The following CCDC141 variants were observed in gnomAD, a reference collection of about 807,000 sequenced individuals.
CCDC141 encodes the protein coiled-coil domain-containing protein 141.
Under a neutral mutation model 181.0 loss-of-function variants are expected in CCDC141, and 168 were observed. That is an observed-to-expected ratio of 0.93 (90% confidence interval 0.82 to 1.05). The LOEUF is 1.05. Ranked by LOEUF, CCDC141 falls within the 50% of genes least tolerant of loss-of-function variation. The pLI is 0.00. For missense variants in CCDC141, 1,902 were observed against 1,788.5 expected (o/e 1.06, Z -1.14); for synonymous variants, 666 against 642.3 (o/e 1.04, Z -0.56).
chr2:178,897,987 A>G lies in CCDC141; in HGVS notation c.1265+7342T>C, dbSNP rs1687492746. On this transcript the variant is annotated intron_variant, in intron 8 of 23. Coordinates refer to ENST00000443758, the MANE Select transcript of CCDC141 (RefSeq NM_173648.4). ...GATGATGCTTAGGGAGAGATGAGGA[A>G]GGCTGGAAGCCAGGGGCTTTCAACC... Among the ~76,000 whole-genome samples the G allele has an allele frequency of 3.3e-5, 5 of 152,144 alleles. No individual in the cohort carries two copies. The South Asian group carries it at 1.0e-3, about 31-fold the overall frequency.
At chr2:178,894,346 C>T (rs1687308348) in intron 8 of CCDC141, among the ~76,000 whole-genome samples, 1 of 152,032 alleles carries the variant, frequency 6.6e-6, no homozygotes, top group Non-Finnish European at 1.5e-5. Context: ...GAAAAAAACC[C>T]TCCCACTCCA....
downstream of CCDC141, among the ~76,000 whole-genome samples, chr2:178,828,733 T>C (rs767185439): frequency 1.3e-5 from 2 of 152,230 alleles, no homozygotes; most frequent in Non-Finnish European, 2.9e-5. Flanking sequence ...GTGTGCATAA[T>C]ACTTATTACA....
chr2:178,875,109 G>A (rs1022875956), intron 12 of CCDC141: 1 of 152,186 alleles, frequency 6.6e-6, no homozygotes, highest in Non-Finnish European at 1.5e-5. Flanking sequence ...ACCAATGCCT[G>A]CCTGGAGAAA....
chr2:178,903,745 TTAAAG>T (rs1201793557), intron 8 of CCDC141, among the ~76,000 whole-genome samples: 2 of 150,804 alleles, frequency 1.3e-5, no homozygotes, highest in East Asian at 3.9e-4. Flanking sequence ...ACCCTAAAAC[TTAAAG>T]TATAGTAATA....
At chr2:178,878,239 C>T in intron 11 of CCDC141, 96 bp from the exon 12 acceptor site, 3 of 508,430 alleles carry the variant, frequency 5.9e-6, no homozygotes, top group Non-Finnish European at 9.6e-6. Flanking sequence ...AAACCTAAAA[C>T]TACATTTTCT....
chr2:178,956,477 GT>G (rs1437061494), intron 5 of CCDC141, among the ~76,000 whole-genome samples: 2 of 151,850 alleles, frequency 1.3e-5, no homozygotes, highest in African/African-American at 4.8e-5. Context: ...GTGCATGTGT[GT>G]TTTTTGTAGA....
At chr2:178,913,818 G>A (rs1275372505) in intron 7 of CCDC141, among the ~76,000 whole-genome samples, 1 of 152,108 alleles carries the variant, frequency 6.6e-6, no homozygotes, top group Non-Finnish European at 1.5e-5. Flanking sequence ...AAATGGATTT[G>A]GCCTCAGTTT....
In CCDC141 at chr2:178,933,819, T is replaced by C. The variant is rs532041217; in HGVS notation, c.897+10716A>G. Among the ~76,000 whole-genome samples, 86 of 151,996 alleles carry C rather than the reference T, an allele frequency of 5.7e-4. 1 individual carries two copies. The South Asian group carries it at 0.017, about 31-fold the overall frequency. ...AGTGAAGCAAGGGTAAGAGGAGGGG[T>C]AGGTCATGAGGAATAGTGGCAAACT... is the stretch of plus-strand genomic sequence containing the variant. On this transcript the variant is annotated intron_variant, in intron 6 of 23. Transcript: ENST00000443758.
At chr2:179,010,881 G>A (rs1380710689) in intron 2 of CCDC141, among the ~76,000 whole-genome samples, 1 of 152,130 alleles carries the variant, frequency 6.6e-6, no homozygotes, top group African/African-American at 2.4e-5. Context: ...AGAACCGGCT[G>A]GGCATGGTGG....
At position 178,930,774 on chromosome 2, in the gene CCDC141, C is replaced by A. The variant is rs547443283; in HGVS notation, c.898-11867G>T. On this transcript the variant is annotated intron_variant, in intron 6 of 23. Coordinates refer to ENST00000443758, the MANE Select transcript of CCDC141 (RefSeq NM_173648.4). ...CCACATGCAAACTAATGAAGTTAGA[C>A]CCTTACCTCACACCATACACAAAAT... Among the ~76,000 whole-genome samples the A allele has an allele frequency of 3.3e-5, 5 of 152,110 alleles. No individual in the cohort carries two copies. The South Asian group carries it at 1.0e-3, about 32-fold the overall frequency.
chr2:178,830,679 T>C lies in CCDC141; in HGVS notation c.*3494A>G, dbSNP rs1228295213. 2 of 152,264 alleles carry C rather than the reference T, an allele frequency of 1.3e-5. No individual in the cohort carries two copies. The highest frequency in any genetic ancestry group is 2.4e-5 in the African/African-American group (1 of 41,414). The allele number at this position is 152,264 out of a possible 1,614,324, so 9.4% of individuals were successfully genotyped here. A position where few individuals can be genotyped will look rare whatever the true frequency, so the allele number is the denominator to read the frequency against. The stretch of plus-strand genomic sequence containing the variant: ...GATGCTCAAACCTGCGATTCCTTTG[T>C]GTATATTCAGGGGCGTGGCTGGGCA... On this transcript the variant is annotated 3_prime_UTR_variant, in exon 24 of 24. Transcript: ENST00000443758.
chr2:178,937,332 A>C (rs1374604221), intron 6 of CCDC141, among the ~76,000 whole-genome samples: 1 of 152,076 alleles, frequency 6.6e-6, no homozygotes, highest in Non-Finnish European at 1.5e-5. Context: ...AGCCTCTTCC[A>C]CATCTATTGA....
chr2:179,035,316 T>C (rs1430712583), intron 2 of CCDC141, among the ~76,000 whole-genome samples: 2 of 152,308 alleles, frequency 1.3e-5, no homozygotes, highest in Middle Eastern at 3.4e-3. Context: ...GTTCCACTTA[T>C]CCACTGTCTT....
downstream of CCDC141, among the ~76,000 whole-genome samples, chr2:178,828,155 T>C (rs1337532670): frequency 6.6e-6 from 1 of 152,076 alleles, no homozygotes; most frequent in Non-Finnish European, 1.5e-5. Context: ...GTCCTCTTAC[T>C]GGGTAACAAA....
chr2:178,860,754 C>A lies in CCDC141; in HGVS notation c.2725-4357G>T, dbSNP rs139679394. On this transcript the variant is annotated intron_variant, in intron 17 of 23. Coordinates refer to ENST00000443758, the MANE Select transcript of CCDC141 (RefSeq NM_173648.4). ...CTCCCTTGTCTTCTTGTGCTTGAGG[C>A]CAGCCGCTAGCGGCTGAAAGTGGGA... Among the ~76,000 whole-genome samples the A allele has an allele frequency of 2.8e-3, 430 of 151,712 alleles. 3 individuals carry two copies. The highest frequency in any genetic ancestry group is 9.5e-3 in the African/African-American group (393 of 41,404).
At chr2:179,011,340 C>G (rs1331963481) in intron 2 of CCDC141, among the ~76,000 whole-genome samples, 2 of 152,122 alleles carry the variant, frequency 1.3e-5, no homozygotes, top group African/African-American at 4.8e-5. Context: ...TCAGACAAAA[C>G]AAACTTTAAA....
intron 2 of CCDC141, among the ~76,000 whole-genome samples, chr2:179,044,159 A>T (rs1256615293): frequency 1.3e-5 from 2 of 152,232 alleles, no homozygotes; most frequent in Non-Finnish European, 2.9e-5. Flanking sequence ...ATCAGAGATG[A>T]CACAAACAAA....
At chr2:178,888,773 T>A in intron 8 of CCDC141, 105 bp from the exon 9 acceptor site, 1 of 1,255,626 alleles carries the variant, frequency 8.0e-7, no homozygotes, top group Non-Finnish European at 1.1e-6. Context: ...GTAAAAGGCA[T>A]CAGCTTTAGG....
At chr2:178,925,516 A>G (rs772664662) in intron 6 of CCDC141, among the ~76,000 whole-genome samples, 4 of 152,190 alleles carry the variant, frequency 2.6e-5, no homozygotes, top group Non-Finnish European at 5.9e-5. Context: ...GCACAAATGC[A>G]TTTCTTCTTT....
Sources: gnomAD v4.1 joint callset for allele counts (sites outside exome capture counted in the v4.1 genomes callset) on GRCh38, gnomAD v4.1.1 for gene constraint, MANE v1.5 for transcripts, NCBI Gene and HGNC (gene_info 2026-07-23, HGNC 2026-07-21) for gene names.